COL10A1: variants seen among roughly 807,000 people sequenced by gnomAD.
The protein encoded by COL10A1 is collagen type X alpha 1 chain.
Under a neutral mutation model 18.2 loss-of-function variants are expected in COL10A1, and 10 were observed. The ratio of observed to expected loss-of-function variants is 0.55; its 90% CI spans 0.34 to 0.93. The LOEUF (loss-of-function observed/expected upper bound fraction) is 0.93. Among genes scored for constraint, COL10A1 ranks in the 40% least tolerant of loss-of-function variants. COL10A1 has a pLI of 0.02. For missense variants in COL10A1, 897 were observed against 853.5 expected, an observed-to-expected ratio of 1.05 and a Z score of -0.64; for synonymous variants, 330 against 316.6, an observed-to-expected ratio of 1.04 and a Z score of -0.45.
Position 116,120,756 on chromosome 6 carries a change from T to C in COL10A1, c.1360A>G (p.Ile454Val), listed in dbSNP as rs770213046. 1.9e-6 allele frequency: 3 copies of C among 1,608,038 alleles called. No individual in the cohort carries two copies. The highest frequency in any genetic ancestry group is 1.7e-5 in the Admixed American group (1 of 59,018). Residue 454 changes from isoleucine (I) to valine (V), a missense_variant, in exon 3 of 3, where the codon ATT becomes GTT. By Grantham distance (29) the Ile-to-Val change is conservative. Transcript: ENST00000651968. Reference protein sequence around the residue: ...APGIPGTRGPIGPPGIPGFPG... With the variant: ...APGIPGTRGPVGPPGIPGFPG... Reference sequence around the variant, plus strand: ...AATCCTGGAATGCCTGGTGGCCCAATAGGGCCTCTAGTACCTGGTATTCCA... The same window carrying C: ...AATCCTGGAATGCCTGGTGGCCCAACAGGGCCTCTAGTACCTGGTATTCCA...
the COL10A1 span, among the ~76,000 whole-genome samples, chr6:116,198,046 G>A: frequency 6.6e-6 from 1 of 152,054 alleles, no homozygotes; most frequent in Admixed American, 6.6e-5. Flanking sequence ...CTAGTGCCAA[G>A]AGTGAGCAAG....
At chr6:116,172,922 T>C in the COL10A1 span, among the ~76,000 whole-genome samples, 4 of 152,188 alleles carry the variant, frequency 2.6e-5, no homozygotes, top group East Asian at 3.8e-4. Context: ...TTCTACAGTT[T>C]CACATTGCAG....
At chr6:116,171,280 C>T in the COL10A1 span, among the ~76,000 whole-genome samples, 1 of 152,098 alleles carries the variant, frequency 6.6e-6, no homozygotes, top group Non-Finnish European at 1.5e-5. Context: ...GAAGAATACA[C>T]ATTATAAAAT....
At chr6:116,191,435 GA>G in the COL10A1 span, among the ~76,000 whole-genome samples, 2 of 151,982 alleles carry the variant, frequency 1.3e-5, no homozygotes, top group Non-Finnish European at 2.9e-5. Flanking sequence ...GAAGAGGAGG[GA>G]AAAATGTTTT....
intron 1 of COL10A1, among the ~76,000 whole-genome samples, chr6:116,145,260 G>A (rs1211054392): frequency 1.3e-5 from 2 of 152,042 alleles, no homozygotes; most frequent in Non-Finnish European, 2.9e-5. Context: ...TTAGAAAGGT[G>A]TGATATGATA....
chr6:116,125,578 GA>G (rs1779277496), intron 1 of COL10A1, 71 bp from the exon 2 acceptor site: 8 of 1,387,448 alleles, frequency 5.8e-6, no homozygotes, highest in Middle Eastern at 1.9e-4. Flanking sequence ...ATGTTTCACA[GA>G]TGAGTTCTTT....
chr6:116,161,574 TC>T (rs567960853), upstream of COL10A1, among the ~76,000 whole-genome samples: 97 of 152,268 alleles, frequency 6.4e-4, no homozygotes, highest in Middle Eastern at 0.01. Flanking sequence ...TCTATTCTGC[TC>T]CATTGATCTA....
chr6:116,208,982 C>G, the COL10A1 span, among the ~76,000 whole-genome samples: 1 of 151,956 alleles, frequency 6.6e-6, no homozygotes, highest in Non-Finnish European at 1.5e-5. Context: ...TGTTGTCTTT[C>G]ATTAGTTTGA....
the COL10A1 span, among the ~76,000 whole-genome samples, chr6:116,216,146 A>G: frequency 6.6e-6 from 1 of 152,130 alleles, no homozygotes; most frequent in Non-Finnish European, 1.5e-5. Context: ...AACCACAATG[A>G]CATTTAAGAT....
the COL10A1 span, among the ~76,000 whole-genome samples, chr6:116,189,558 T>C: frequency 6.6e-6 from 1 of 151,952 alleles, no homozygotes; most frequent in South Asian, 2.1e-4. Context: ...TTGGATGACA[T>C]TGAGTTGTGC....
chr6:116,123,986 T>G (rs1779214534), intron 2 of COL10A1, among the ~76,000 whole-genome samples: 1 of 152,216 alleles, frequency 6.6e-6, no homozygotes, highest in Non-Finnish European at 1.5e-5. Flanking sequence ...TCATAGCATT[T>G]CAAATTGTGT....
chr6:116,176,989 A>G, the COL10A1 span, among the ~76,000 whole-genome samples: 2 of 152,212 alleles, frequency 1.3e-5, no homozygotes, highest in Admixed American at 6.5e-5. Flanking sequence ...TCTTTATCTT[A>G]CTGAATTGAA....
At chr6:116,178,841 A>G in the COL10A1 span, among the ~76,000 whole-genome samples, 2 of 152,198 alleles carry the variant, frequency 1.3e-5, no homozygotes, top group African/African-American at 2.4e-5. Context: ...GTAAATTTGC[A>G]ATTTCAGTGT....
chr6:116,135,849 A>ATATATATATATATATATATATG (rs1562132584), intron 1 of COL10A1, among the ~76,000 whole-genome samples: 2 of 102,484 alleles, frequency 2.0e-5, no homozygotes, highest in Non-Finnish European at 4.0e-5. Flanking sequence ...ATATATATAT[A>ATATATATATATATATATATATG]TATATATATA....
intron 1 of COL10A1, among the ~76,000 whole-genome samples, chr6:116,155,322 A>G (rs1340944410): frequency 6.6e-6 from 1 of 152,142 alleles, no homozygotes; most frequent in African/African-American, 2.4e-5. Flanking sequence ...CTTTCTTATT[A>G]TTAATGACCA....
At chr6:116,135,852 TATATATATATATATATATATAC>T (rs906476737) in intron 1 of COL10A1, among the ~76,000 whole-genome samples, 8 of 115,676 alleles carry the variant, frequency 6.9e-5, no homozygotes, top group African/African-American at 2.5e-4. Flanking sequence ...TATATATATA[TATATATATATATATATATATAC>T]ACACATACAC....
At chr6:116,129,854 G>T (rs1418880409), upstream of COL10A1, among the ~76,000 whole-genome samples, 1 of 152,096 alleles carries the variant, frequency 6.6e-6, no homozygotes, top group African/African-American at 2.4e-5. Context: ...CACTTAACTT[G>T]CTACTGTGGA....
chr6:116,204,707 C>G, the COL10A1 span, among the ~76,000 whole-genome samples: 2 of 151,836 alleles, frequency 1.3e-5, no homozygotes, highest in African/African-American at 4.8e-5. Context: ...CACCAAAGTA[C>G]TGTTGTATTC....
At chr6:116,182,620 A>G in the COL10A1 span, among the ~76,000 whole-genome samples, 3 of 151,840 alleles carry the variant, frequency 2.0e-5, no homozygotes, top group Non-Finnish European at 4.4e-5. Flanking sequence ...TTTGGTTTGC[A>G]TTTCCCTGAT....
Sources: allele counts gnomAD v4.1 joint callset (sites outside exome capture counted in the v4.1 genomes callset), GRCh38; gene constraint gnomAD v4.1.1; transcripts MANE v1.5; gene names NCBI Gene and HGNC (gene_info 2026-07-23, HGNC 2026-07-21).